Variants in ZNF608 observed in about 807,000 individuals in gnomAD.
ZNF608 encodes renal carcinoma antigen NY-REN-36.
ZNF608 carries 12 observed loss-of-function variants against 109.0 expected under a neutral mutation model. That is an observed-to-expected ratio of 0.11 (90% CI 0.07 to 0.18). ZNF608 has a LOEUF of 0.18. Ranked by LOEUF, ZNF608 falls within the 10% of genes least tolerant of loss-of-function variation. The pLI is 1.00. For synonymous variants in ZNF608, 732 were observed against 717.4 expected (o/e 1.02, Z -0.33); for missense variants, 1,707 against 1,879.3 (o/e 0.91, Z 1.70).
intron 3 of ZNF608, among the ~76,000 whole-genome samples, chr5:124,653,287 G>A (rs1398973861): frequency 1.3e-5 from 2 of 152,150 alleles, no homozygotes; most frequent in African/African-American, 4.8e-5. Context: ...TATATAACCT[G>A]AGCCTGTTAC....
intron 3 of ZNF608, among the ~76,000 whole-genome samples, chr5:124,688,500 A>G (rs1003840555): frequency 5.9e-5 from 9 of 152,236 alleles, no homozygotes; most frequent in African/African-American, 2.2e-4. Flanking sequence ...GTTGGAAAGA[A>G]TAACTGAGAT....
At chr5:124,719,965 G>C (rs565162862) in intron 2 of ZNF608, among the ~76,000 whole-genome samples, 1 of 152,290 alleles carries the variant, frequency 6.6e-6, no homozygotes, top group African/African-American at 2.4e-5. Flanking sequence ...CTGTGAGCCA[G>C]AGCAATGACA....
intron 3 of ZNF608, among the ~76,000 whole-genome samples, chr5:124,694,065 T>A (rs1032768933): frequency 7.4e-6 from 1 of 134,302 alleles, no homozygotes; most frequent in East Asian, 2.5e-4. Flanking sequence ...AAGCTCTGCC[T>A]CCCGGTTTCA....
intron 3 of ZNF608, among the ~76,000 whole-genome samples, chr5:124,658,169 G>A (rs1751096871): frequency 6.6e-6 from 1 of 152,080 alleles, no homozygotes; most frequent in African/African-American, 2.4e-5. Context: ...CAAGTCCCCT[G>A]AGCTTGCTTC....
chr5:124,655,020 G>A (rs76829797), intron 3 of ZNF608, among the ~76,000 whole-genome samples: 17,197 of 152,156 alleles, frequency 0.11, 1,279 homozygotes, highest in Middle Eastern at 0.17. Context: ...AACCCCTGGC[G>A]GCACAGTGGC....
At chr5:124,675,278 AATC>A (rs1210931256) in intron 3 of ZNF608, among the ~76,000 whole-genome samples, 2 of 152,232 alleles carry the variant, frequency 1.3e-5, no homozygotes, top group Non-Finnish European at 2.9e-5. Context: ...CTAAGTGACA[AATC>A]ATTCAAACGT....
chr5:124,651,408 C>T (rs1186947523), intron 3 of ZNF608, among the ~76,000 whole-genome samples: 1 of 152,172 alleles, frequency 6.6e-6, no homozygotes, highest in Non-Finnish European at 1.5e-5. Context: ...GTGTCAAAGA[C>T]CTTTGCAGCT....
intron 3 of ZNF608, among the ~76,000 whole-genome samples, chr5:124,657,678 A>AAAAC (rs1354699426): frequency 1.8e-4 from 28 of 152,126 alleles, no homozygotes; most frequent in African/African-American, 3.4e-4. Context: ...CCATCTCAAA[A>AAAAC]AAACAAACAA....
At chr5:124,707,714 T>A (rs1753317329) in intron 2 of ZNF608, 1 of 152,242 alleles carries the variant, frequency 6.6e-6, no homozygotes, top group African/African-American at 2.4e-5. Flanking sequence ...TCTCTTACTT[T>A]GCATTTTAAC....
chr5:124,670,280 T>A (rs1033143762), intron 3 of ZNF608, among the ~76,000 whole-genome samples: 8 of 152,072 alleles, frequency 5.3e-5, no homozygotes, highest in African/African-American at 1.9e-4. Context: ...GATAAAATGA[T>A]GTGCTAAATA....
intron 3 of ZNF608, among the ~76,000 whole-genome samples, chr5:124,654,482 G>T (rs116312109): frequency 5.3e-5 from 8 of 152,306 alleles, no homozygotes; most frequent in African/African-American, 1.9e-4. Flanking sequence ...CAAATGCAAA[G>T]GTTCTCACTT....
At chr5:124,644,701 T>C (rs756630763) in intron 5 of ZNF608, 40 bp from the exon 6 acceptor site, 2 of 1,501,804 alleles carry the variant, frequency 1.3e-6, no homozygotes, top group Admixed American at 4.6e-5. Flanking sequence ...CCAACAGATT[T>C]GTTTTAAAAT....
intron 3 of ZNF608, among the ~76,000 whole-genome samples, chr5:124,683,235 C>A (rs2149827852): frequency 6.6e-6 from 1 of 152,284 alleles, no homozygotes; most frequent in East Asian, 1.9e-4. Context: ...CTGCCTACAG[C>A]CTGATTGAAA....
intron 2 of ZNF608, among the ~76,000 whole-genome samples, chr5:124,734,175 G>A (rs1400105273): frequency 6.6e-6 from 1 of 152,106 alleles, no homozygotes; most frequent in Non-Finnish European, 1.5e-5. Context: ...CAAGATGCTT[G>A]AGGACTAAAT....
chr5:124,744,105 G>A lies in ZNF608; in HGVS notation c.885C>T (p.Ile295=). 5 of 1,595,154 alleles carry A rather than the reference G, an allele frequency of 3.1e-6. No individual in the cohort carries two copies. Among genetic ancestry groups the A allele is most frequent in the Non-Finnish European group, 4.3e-6 (5 of 1,170,566 alleles). ...EEEEEESHRR[I]KKLKTEKVDP... ...CTACCTTCTCAGTTTTCAGTTTCTT[G>A]ATTCGCCTGTGGCTCTCCTCCTCCT... Residue 295 remains isoleucine (I), a synonymous_variant, in exon 2 of 10, where the codon ATC becomes ATT. Coordinates refer to ENST00000513986, the MANE Select transcript of ZNF608 (RefSeq NM_020747.3). The surrounding 1 kb of genome is among the most constrained non-coding windows in gnomAD (Gnocchi z 4.5).
chr5:124,698,318 T>C (rs1462827420), intron 3 of ZNF608, among the ~76,000 whole-genome samples: 1 of 152,228 alleles, frequency 6.6e-6, no homozygotes, highest in African/African-American at 2.4e-5. Context: ...TGCAAATGGT[T>C]GCACATTAAA....
intron 2 of ZNF608, among the ~76,000 whole-genome samples, chr5:124,740,212 T>C (rs1430876695): frequency 6.6e-6 from 1 of 152,200 alleles, no homozygotes; most frequent in Non-Finnish European, 1.5e-5. Flanking sequence ...TGGGTCTGAT[T>C]ACACAAATAC....
At chr5:124,676,875 G>T (rs932001258) in intron 3 of ZNF608, among the ~76,000 whole-genome samples, 1 of 152,138 alleles carries the variant, frequency 6.6e-6, no homozygotes, top group Non-Finnish European at 1.5e-5. Flanking sequence ...GAATTTAGAG[G>T]TATATGATAA....
At chr5:124,659,967 C>T (rs576809466) in intron 3 of ZNF608, among the ~76,000 whole-genome samples, 4 of 152,256 alleles carry the variant, frequency 2.6e-5, no homozygotes, top group South Asian at 4.1e-4. Flanking sequence ...CTAGCTATAC[C>T]GGGCCCAGGA....
Sources: gnomAD v4.1 joint callset for allele counts (sites outside exome capture counted in the v4.1 genomes callset) on GRCh38, gnomAD v4.1.1 for gene constraint, Gnocchi (gnomAD v3.1) non-coding constraint, MANE v1.5 for transcripts, NCBI Gene and HGNC (gene_info 2026-07-23, HGNC 2026-07-21) for gene names.